The following USP45 variants were observed in gnomAD, a reference collection of about 807,000 sequenced individuals.
USP45 encodes ubiquitin carboxyl-terminal hydrolase 45.
Under a neutral mutation model 95.8 loss-of-function variants are expected in USP45, and 89 were observed. The ratio of observed to expected loss-of-function variants is 0.93; its 90% CI spans 0.78 to 1.11. The LOEUF is 1.11. Among genes scored for constraint, USP45 ranks in the 50% least tolerant of loss-of-function variants. The pLI is 0.00. For synonymous variants in USP45, 281 were observed against 316.2 expected (o/e 0.89, Z 1.18); for missense variants, 898 against 942.5 (o/e 0.95, Z 0.62).
chr6:99,465,864 TTTAAG>T (rs1216510927), intron 11 of USP45, among the ~76,000 whole-genome samples: 3 of 152,244 alleles, frequency 2.0e-5, no homozygotes, highest in Non-Finnish European at 2.9e-5. Flanking sequence ...TCATACATGC[TTTAAG>T]TTGTTAAAGA....
At position 99,439,858 on chromosome 6, in the gene USP45, T is replaced by G. The variant is rs1167539497; in HGVS notation, c.2074-3A>C. ...ACTTTACGAAGACTCAAGCCAGCCTTAAAAAGACCAAAACATTTTTGAAAT... is the reference window on the plus strand; with the variant it reads ...ACTTTACGAAGACTCAAGCCAGCCTGAAAAAGACCAAAACATTTTTGAAAT... On this transcript the variant is annotated splice_region_variant and splice_polypyrimidine_tract_variant and intron_variant, in intron 15 of 17. Transcript: ENST00000500704. 2 of 1,592,512 alleles carry G rather than the reference T, an allele frequency of 1.3e-6. No individual in the cohort carries two copies. Among genetic ancestry groups the G allele is most frequent in the East Asian group, 4.5e-5 (2 of 44,368 alleles).
chr6:99,442,947 G>A (rs1781803436), intron 15 of USP45, among the ~76,000 whole-genome samples: 1 of 152,058 alleles, frequency 6.6e-6, no homozygotes, highest in South Asian at 2.1e-4. Flanking sequence ...GCTGGGTGTG[G>A]TGGCTCATGC....
chr6:99,437,471 G>A, intron 16 of USP45, 72 bp from the exon 17 acceptor site: 6 of 1,380,234 alleles, frequency 4.3e-6, no homozygotes, highest in Non-Finnish European at 5.8e-6. Context: ...GTAAGTAAAT[G>A]TATATCTGCT....
chr6:99,493,652 T>G lies in USP45; in HGVS notation c.479-4832A>C, dbSNP rs532052333. 7.6e-4 allele frequency among the ~76,000 whole-genome samples: 116 copies of G among 151,930 alleles called. 1 individual carries two copies. Among genetic ancestry groups the G allele is most frequent in the Non-Finnish European group, 1.2e-3 (81 of 67,930 alleles). On this transcript the variant is annotated intron_variant, in intron 5 of 17. Coordinates refer to ENST00000500704, the MANE Select transcript of USP45 (RefSeq NM_001346022.3). ...AGCTGGGATTACAGGCGTCCACCACTATGTCCAGCTAATTTTTGGTGTTTT... is the reference window on the plus strand; with the variant it reads ...AGCTGGGATTACAGGCGTCCACCACGATGTCCAGCTAATTTTTGGTGTTTT...
chr6:99,453,472 A>G (rs1344079747), intron 13 of USP45, among the ~76,000 whole-genome samples: 1 of 152,160 alleles, frequency 6.6e-6, no homozygotes, highest in Non-Finnish European at 1.5e-5. Context: ...GAGGTGAAAG[A>G]CCTCCACAAG....
chr6:99,497,249 G>A (rs1156963109), intron 5 of USP45, among the ~76,000 whole-genome samples: 1 of 151,990 alleles, frequency 6.6e-6, no homozygotes, highest in African/African-American at 2.4e-5. Context: ...TTCCATGTAT[G>A]GGGAAGGGGG....
chr6:99,446,569 G>T, intron 13 of USP45, 106 bp from the exon 14 acceptor site: 1 of 1,087,862 alleles, frequency 9.2e-7, no homozygotes, highest in Non-Finnish European at 1.3e-6. Flanking sequence ...ATTTCTCTCA[G>T]ATCCATTTCC....
chr6:99,467,022 T>C (rs1483517902), intron 10 of USP45, among the ~76,000 whole-genome samples: 1 of 152,144 alleles, frequency 6.6e-6, no homozygotes, highest in Non-Finnish European at 1.5e-5. Flanking sequence ...CCACTATTCG[T>C]ACCACACCTC....
rs967506136 is a variant in USP45 at position 99,460,740 on chromosome 6, T to A, written c.1308+3864A>T. On this transcript the variant is annotated intron_variant, in intron 13 of 17. Coordinates refer to ENST00000500704, the MANE Select transcript of USP45 (RefSeq NM_001346022.3). ...ATTTTCTTAATTTCTTCCATGTAAA[T>A]AAGAGGACTATGATTTTCTGAATAT... is the stretch of plus-strand genomic sequence containing the variant. The A allele has an allele frequency of 8.2e-6, 8 of 975,948 alleles. No homozygotes were observed. The African/African-American group carries it at 1.4e-4, about 17-fold the overall frequency. The allele number at this position is 975,948 out of a possible 1,614,324, so 60.5% of individuals were successfully genotyped here. A position where few individuals can be genotyped will look rare whatever the true frequency, so the allele number is the denominator to read the frequency against.
chr6:99,509,342 C>T (rs1056762940), intron 2 of USP45, among the ~76,000 whole-genome samples: 9 of 152,118 alleles, frequency 5.9e-5, no homozygotes, highest in Non-Finnish European at 1.3e-4. Context: ...ATATCAAAAC[C>T]AGGAAGCTGA....
chr6:99,505,279 T>C (rs1419782945), intron 4 of USP45, among the ~76,000 whole-genome samples: 1 of 152,116 alleles, frequency 6.6e-6, no homozygotes, highest in African/African-American at 2.4e-5. Flanking sequence ...TTGTTTCTTC[T>C]GTATATTATA....
Position 99,510,486 on chromosome 6 carries a change from T to G in USP45, c.-10-256A>C, listed in dbSNP as rs139747682. ...TTTGTGTCCCCACTCCAAATTGATA[T>G]GTTGAACTCTAATCCCCAAAGTGAT... On this transcript the variant is annotated intron_variant, in intron 1 of 17. Coordinates refer to ENST00000500704, the MANE Select transcript of USP45 (RefSeq NM_001346022.3). Among the ~76,000 whole-genome samples, 293 of 152,280 alleles carry G rather than the reference T, an allele frequency of 1.9e-3. 2 individuals carry two copies. The highest frequency in any genetic ancestry group is 6.8e-3 in the African/African-American group (282 of 41,562).
At chr6:99,437,128 A>G in intron 17 of USP45, 118 bp downstream of exon 17, 2 of 938,636 alleles carry the variant, frequency 2.1e-6, no homozygotes, top group African/African-American at 1.7e-5. Context: ...ATTAAGTTAA[A>G]ATAAAGCAAG....
chr6:99,439,727 A>G (rs1169287207), intron 16 of USP45, 42 bp downstream of exon 16: 5 of 1,347,106 alleles, frequency 3.7e-6, no homozygotes, highest in Non-Finnish European at 4.0e-6. Context: ...ACTTTCAAGC[A>G]TATTAATTTA....
At chr6:99,497,824 C>G (rs1796626909) in intron 5 of USP45, among the ~76,000 whole-genome samples, 2 of 152,144 alleles carry the variant, frequency 1.3e-5, no homozygotes, top group African/African-American at 4.8e-5. Flanking sequence ...CCACAAAACT[C>G]AACTTTTCAG....
intron 9 of USP45, among the ~76,000 whole-genome samples, chr6:99,469,486 A>ATAT (rs1562361262): frequency 7.3e-6 from 1 of 136,790 alleles, no homozygotes; most frequent in African/African-American, 2.7e-5. Context: ...ATATATATAT[A>ATAT]TTTTTTTTTT....
intron 5 of USP45, among the ~76,000 whole-genome samples, chr6:99,489,831 G>A (rs961958491): frequency 3.3e-5 from 5 of 152,014 alleles, no homozygotes; most frequent in African/African-American, 7.2e-5. Context: ...CAAGCCTGTA[G>A]TCCCAACTAC....
chr6:99,503,713 A>AT (rs1246867100), intron 5 of USP45, 52 bp downstream of exon 5: 2 of 1,209,452 alleles, frequency 1.7e-6, no homozygotes, highest in African/African-American at 3.1e-5. Context: ...TATGAACTCT[A>AT]TATGAAATAC....
intron 10 of USP45, among the ~76,000 whole-genome samples, chr6:99,467,551 CAT>C (rs1452089272): frequency 8.6e-5 from 13 of 151,846 alleles, no homozygotes; most frequent in East Asian, 7.7e-4. Flanking sequence ...TGACAGAAAA[CAT>C]GTGAATATAT....
Sources: allele counts gnomAD v4.1 joint callset (sites outside exome capture counted in the v4.1 genomes callset), GRCh38; gene constraint gnomAD v4.1.1; transcripts MANE v1.5; gene names NCBI Gene and HGNC (gene_info 2026-07-23, HGNC 2026-07-21).